SLC5A4: variants seen among roughly 807,000 people sequenced by gnomAD.
SLC5A4 encodes solute carrier family 5 member 4.
A neutral mutation model predicts 70.3 loss-of-function variants in SLC5A4; 55 were observed. That is an observed-to-expected ratio of 0.78 (90% CI 0.63 to 0.98). SLC5A4 has a LOEUF of 0.98. Among genes scored for constraint, SLC5A4 ranks in the 50% least tolerant of loss-of-function variants. The pLI is 0.00. For synonymous variants in SLC5A4, 268 were observed against 305.7 expected (o/e 0.88, Z 1.29); for missense variants, 735 against 839.2 (o/e 0.88, Z 1.53).
At chr22:32,259,781 C>T (rs1451188316), upstream of SLC5A4, among the ~76,000 whole-genome samples, 1 of 152,130 alleles carries the variant, frequency 6.6e-6, no homozygotes, top group African/African-American at 2.4e-5. Context: ...GTTAATTCTT[C>T]CTTAATTGTT....
chr22:32,236,485 A>T lies in SLC5A4; in HGVS notation c.664+759T>A, dbSNP rs1926063360. ...TACAATACATTGTTAGAATACACAAACACAGGTTGTGTATTCTATGTGTAT... is the reference window on the plus strand; with the variant it reads ...TACAATACATTGTTAGAATACACAATCACAGGTTGTGTATTCTATGTGTAT... On this transcript the variant is annotated intron_variant, in intron 7 of 14. Coordinates refer to ENST00000266086, the MANE Select transcript of SLC5A4 (RefSeq NM_014227.3). 2.6e-5 allele frequency among the ~76,000 whole-genome samples: 4 copies of T among 152,188 alleles called. No individual in the cohort carries two copies. The East Asian group carries it at 7.7e-4, about 29-fold the overall frequency.
chr22:32,301,248 G>A, the SLC5A4 span, among the ~76,000 whole-genome samples: 65 of 152,220 alleles, frequency 4.3e-4, no homozygotes, highest in African/African-American at 1.4e-3. Context: ...GGAGTAAGCC[G>A]CCACGCCCAG....
the SLC5A4 span, among the ~76,000 whole-genome samples, chr22:32,290,643 C>G: frequency 6.6e-6 from 1 of 152,164 alleles, no homozygotes; most frequent in Non-Finnish European, 1.5e-5. Flanking sequence ...TTATTTCTCA[C>G]AGTTCTGAAT....
At chr22:32,223,049 T>A (rs1247227450) in intron 13 of SLC5A4, among the ~76,000 whole-genome samples, 2 of 152,292 alleles carry the variant, frequency 1.3e-5, no homozygotes. Flanking sequence ...AGCGCTATTA[T>A]ACATTATTAT....
chr22:32,220,837 G>T, intron 14 of SLC5A4, 83 bp downstream of exon 14: 1 of 919,156 alleles, frequency 1.1e-6, no homozygotes, highest in Non-Finnish European at 1.8e-6. Context: ...TCGGAAGCTG[G>T]ATTTAATGAC....
At chr22:32,343,647 T>G in the SLC5A4 span, among the ~76,000 whole-genome samples, 1 of 152,222 alleles carries the variant, frequency 6.6e-6, no homozygotes, top group African/African-American at 2.4e-5. Flanking sequence ...TATCAGCTAA[T>G]CTTCATGCAT....
intron 12 of SLC5A4, among the ~76,000 whole-genome samples, chr22:32,224,711 C>T (rs954341281): frequency 6.6e-6 from 1 of 152,142 alleles, no homozygotes; most frequent in African/African-American, 2.4e-5. Flanking sequence ...CGTTGATTCT[C>T]CAATACCAGG....
At chr22:32,258,659 A>G (rs1239045919), upstream of SLC5A4, among the ~76,000 whole-genome samples, 2 of 152,208 alleles carry the variant, frequency 1.3e-5, no homozygotes, top group African/African-American at 2.4e-5. Flanking sequence ...TGCAGCTCCT[A>G]TGGAAAACGG....
the SLC5A4 span, among the ~76,000 whole-genome samples, chr22:32,310,082 G>T: frequency 8.2e-6 from 1 of 121,968 alleles, no homozygotes; most frequent in Non-Finnish European, 1.9e-5. Context: ...GACGGGGGAT[G>T]GGGGGGGTGG....
chr22:32,326,813 G>A, the SLC5A4 span, among the ~76,000 whole-genome samples: 2 of 152,196 alleles, frequency 1.3e-5, no homozygotes, highest in East Asian at 3.9e-4. Context: ...TCCTAAGTGA[G>A]AAAGGCAGGA....
chr22:32,287,054 C>T, the SLC5A4 span, among the ~76,000 whole-genome samples: 2 of 152,154 alleles, frequency 1.3e-5, no homozygotes, highest in East Asian at 3.9e-4. Context: ...AGATCTACAT[C>T]TGAAAAATAA....
chr22:32,276,946 A>G, the SLC5A4 span: 2 of 152,110 alleles, frequency 1.3e-5, no homozygotes, highest in Non-Finnish European at 2.9e-5. Flanking sequence ...GATTTTCTTA[A>G]GTTATAATTA....
At chr22:32,249,564 C>A (rs1927025460) in intron 3 of SLC5A4, among the ~76,000 whole-genome samples, 1 of 152,168 alleles carries the variant, frequency 6.6e-6, no homozygotes, top group Non-Finnish European at 1.5e-5. Context: ...AATGTAGGGG[C>A]AAAATCTTCA....
At chr22:32,238,634 C>A (rs956332890) in intron 6 of SLC5A4, among the ~76,000 whole-genome samples, 4 of 152,176 alleles carry the variant, frequency 2.6e-5, no homozygotes, top group African/African-American at 9.7e-5. Flanking sequence ...CCTTGCCTTT[C>A]ATTTGCTAGT....
At chr22:32,238,788 A>T (rs1335045543) in intron 6 of SLC5A4, among the ~76,000 whole-genome samples, 197 bp downstream of exon 6, 1 of 152,116 alleles carries the variant, frequency 6.6e-6, no homozygotes, top group Non-Finnish European at 1.5e-5. Context: ...TTCCATCAAG[A>T]TGTTCACATC....
the SLC5A4 span, among the ~76,000 whole-genome samples, chr22:32,354,129 C>T: frequency 6.6e-6 from 1 of 150,590 alleles, no homozygotes; most frequent in Non-Finnish European, 1.5e-5. Flanking sequence ...CTGATAGCAC[C>T]CAACCCGCCC....
At chr22:32,256,144 T>A (rs914680245), upstream of SLC5A4, among the ~76,000 whole-genome samples, 6 of 151,974 alleles carry the variant, frequency 3.9e-5, no homozygotes, top group South Asian at 1.3e-3. Flanking sequence ...TAGGGAGTCT[T>A]TGTCTCTATA....
chr22:32,228,415 A>T (rs545882206), intron 11 of SLC5A4, among the ~76,000 whole-genome samples: 1 of 151,630 alleles, frequency 6.6e-6, no homozygotes, highest in South Asian at 2.1e-4. Flanking sequence ...GGTGGCGGGC[A>T]CCTGTAATCC....
chr22:32,239,707 C>T (rs1926398525), intron 5 of SLC5A4, among the ~76,000 whole-genome samples: 1 of 142,244 alleles, frequency 7.0e-6, no homozygotes, highest in African/African-American at 2.6e-5. Flanking sequence ...ACTTTTGCAC[C>T]AACCTAATAT....
Sources: gnomAD v4.1 joint callset for allele counts (sites outside exome capture counted in the v4.1 genomes callset) on GRCh38, gnomAD v4.1.1 for gene constraint, MANE v1.5 for transcripts, NCBI Gene and HGNC (gene_info 2026-07-23, HGNC 2026-07-21) for gene names.